PARD3: variants seen among roughly 807,000 people sequenced by gnomAD.
PARD3 encodes the protein par-3 family cell polarity regulator, also known as partitioning defective 3 homolog.
In PARD3, 75 loss-of-function variants were observed where a neutral mutation model predicts 155.4. The observed-to-expected ratio is 0.48, with a 90% CI of 0.40 to 0.58. The LOEUF (loss-of-function observed/expected upper bound fraction) is 0.58, where lower values mean the gene tolerates loss of function less well. Ranked by LOEUF, PARD3 falls within the 20% of genes least tolerant of loss-of-function variation. The probability of loss-of-function intolerance (pLI) is 0.00; values close to 1 mark genes in which losing one functional copy is unlikely to be tolerated. For missense variants in PARD3, 1,642 were observed against 1,721.7 expected, an observed-to-expected ratio of 0.95 and a Z score of 0.82; for synonymous variants, 576 against 610.5, an observed-to-expected ratio of 0.94 and a Z score of 0.83.
At chr10:34,336,426 C>T (rs1180985773) in intron 17 of PARD3, 183 bp from the exon 18 acceptor site, 1 of 542,082 alleles carries the variant, frequency 1.8e-6, no homozygotes, top group East Asian at 3.1e-5. Flanking sequence ...TGTCTCCATG[C>T]AATATGCCAG....
intron 3 of PARD3, among the ~76,000 whole-genome samples, chr10:34,479,566 C>A (rs1176877443): frequency 6.6e-6 from 1 of 152,166 alleles, no homozygotes; most frequent in Non-Finnish European, 1.5e-5. Context: ...ACCTTCCTAA[C>A]ATTATTTCCG....
rs76416445 is a variant in PARD3 at position 34,118,271 on chromosome 10, C to T, written c.3668+1342G>A. On this transcript the variant is annotated intron_variant, in intron 24 of 24. Transcript: ENST00000374788. ...ACTTATCCCCATGGAGACTCATTCA[C>T]ATCCATGTCCCCTTGGCTGACCTGT... Among the ~76,000 whole-genome samples the T allele has an allele frequency of 1.2e-3, 189 of 152,344 alleles. 2 individuals are homozygous for T. The highest frequency in any genetic ancestry group is 4.5e-3 in the African/African-American group (189 of 41,578).
chr10:34,366,496 C>A (rs1839979817), intron 12 of PARD3, among the ~76,000 whole-genome samples: 1 of 152,046 alleles, frequency 6.6e-6, no homozygotes, highest in Non-Finnish European at 1.5e-5. Context: ...TGGGCAGGGG[C>A]TGTTGCTTGG....
In PARD3 at chr10:34,337,353, T is replaced by C. The variant is rs1455821011; in HGVS notation, c.2482A>G (p.Lys828Glu). ...EGFGRQSMSE[K>E]RTKQFSDASQ... ...GCATCTGAAAATTGCTTTGTGCGTT[T>C]TTCTGACATACTCTGACGTCCAAAT... The change falls in exon 17 of 25, where the codon AAA (lysine) becomes GAA (glutamate). Residue 828 changes from lysine to glutamate, a missense_variant. Physicochemically the swap from Lys to Glu is moderately conservative, Grantham distance 56 (BLOSUM62 1). Around this residue, in one of 3 missense-constraint regions of PARD3, gnomAD observed 1,529 missense variants for 1,587.3 expected, o/e 0.96. Coordinates refer to ENST00000374788, the MANE Select transcript of PARD3 (RefSeq NM_001184785.2). The C allele has an allele frequency of 1.2e-6, 2 of 1,604,126 alleles. No homozygotes were observed. The highest frequency in any genetic ancestry group is 1.7e-6 in the Non-Finnish European group (2 of 1,175,176).
intron 21 of PARD3, among the ~76,000 whole-genome samples, chr10:34,279,215 C>T (rs1358459404): frequency 1.4e-5 from 2 of 146,658 alleles, no homozygotes; most frequent in Non-Finnish European, 3.0e-5. Flanking sequence ...GGCACAACCA[C>T]AGCAGCTCAC....
chr10:34,403,576 C>A (rs1276057720), intron 5 of PARD3, among the ~76,000 whole-genome samples: 1 of 152,126 alleles, frequency 6.6e-6, no homozygotes, highest in Non-Finnish European at 1.5e-5. Flanking sequence ...CTAAGGGCAC[C>A]AAACTTTTCT....
At chr10:34,182,372 CA>C (rs928751864) in intron 22 of PARD3, among the ~76,000 whole-genome samples, 2 of 152,024 alleles carry the variant, frequency 1.3e-5, no homozygotes, top group African/African-American at 4.8e-5. Context: ...AATGATTTAA[CA>C]AAAAAAGATC....
At chr10:34,539,407 G>A (rs916841265) in intron 2 of PARD3, among the ~76,000 whole-genome samples, 2 of 152,156 alleles carry the variant, frequency 1.3e-5, no homozygotes, top group Non-Finnish European at 2.9e-5. Flanking sequence ...AGTGGCTCAC[G>A]CCTGTATTTC....
intron 1 of PARD3, among the ~76,000 whole-genome samples, chr10:34,770,324 A>G (rs577305270): frequency 8.0e-4 from 122 of 152,314 alleles, no homozygotes; most frequent in African/African-American, 2.9e-3. Flanking sequence ...GCTGATTAAA[A>G]CTATCACTTT....
intron 19 of PARD3, among the ~76,000 whole-genome samples, chr10:34,330,038 G>C (rs73256763): frequency 2.0e-5 from 3 of 151,720 alleles, no homozygotes; most frequent in Non-Finnish European, 2.9e-5. Flanking sequence ...ATGTTGAATT[G>C]CAAGTAATTT....
In PARD3 at chr10:34,389,706, C is replaced by A. The variant is rs146838712; in HGVS notation, c.891-5452G>T. 3.0e-3 allele frequency among the ~76,000 whole-genome samples: 457 copies of A among 152,212 alleles called. 2 individuals carry two copies. Among genetic ancestry groups the A allele is most frequent in the African/African-American group, 0.01 (430 of 41,466 alleles). ...TCTCATCAACAAGAACCGCTCAGCT[C>A]CCTGAGTACAGCCCATGGGGGGCCA... is the stretch of plus-strand genomic sequence containing the variant. On this transcript the variant is annotated intron_variant, in intron 7 of 24. Transcript: ENST00000374788.
intron 1 of PARD3, among the ~76,000 whole-genome samples, chr10:34,713,841 TCTC>T (rs1413628747): frequency 6.6e-6 from 1 of 151,956 alleles, no homozygotes; most frequent in East Asian, 1.9e-4. Flanking sequence ...CAGGCAGAGA[TCTC>T]CTGCCTCTCC....
intron 4 of PARD3, among the ~76,000 whole-genome samples, chr10:34,451,657 A>T (rs760528080): frequency 1.1e-4 from 16 of 152,170 alleles, no homozygotes; most frequent in Non-Finnish European, 2.2e-4. Flanking sequence ...ACAAAAGGAA[A>T]TTGATAAACA....
At chr10:34,682,439 C>T (rs2093860491) in intron 2 of PARD3, among the ~76,000 whole-genome samples, 2 of 151,930 alleles carry the variant, frequency 1.3e-5, no homozygotes, top group Admixed American at 6.6e-5. Flanking sequence ...CTCTGGGTGC[C>T]AAGTATATAC....
chr10:34,183,475 G>C (rs887879112), intron 22 of PARD3, among the ~76,000 whole-genome samples: 29 of 152,228 alleles, frequency 1.9e-4, no homozygotes, highest in Non-Finnish European at 2.4e-4. Context: ...TGAAGAGCCA[G>C]GCTGGCAAGC....
intron 2 of PARD3, among the ~76,000 whole-genome samples, chr10:34,530,964 C>A (rs1484266054): frequency 2.0e-5 from 3 of 152,222 alleles, no homozygotes; most frequent in African/African-American, 7.2e-5. Context: ...TGGCAAGGTA[C>A]TTCCTGTCTT....
chr10:34,642,067 T>C (rs1274650593), intron 2 of PARD3, among the ~76,000 whole-genome samples: 3 of 151,956 alleles, frequency 2.0e-5, no homozygotes, highest in African/African-American at 7.3e-5. Flanking sequence ...GCGGGCAGTA[T>C]CCACTCACCT....
chr10:34,166,128 T>C (rs1949517462), intron 22 of PARD3, among the ~76,000 whole-genome samples: 1 of 152,210 alleles, frequency 6.6e-6, no homozygotes, highest in African/African-American at 2.4e-5. Flanking sequence ...TATGAAGCTT[T>C]GAAAAAGTTG....
At chr10:34,169,328 G>T (rs189499029) in intron 22 of PARD3, among the ~76,000 whole-genome samples, 73 of 152,314 alleles carry the variant, frequency 4.8e-4, no homozygotes, top group Non-Finnish European at 7.8e-4. Flanking sequence ...CCATGATGGT[G>T]ACAAAAGGAA....
Sources: gnomAD v4.1 joint callset for allele counts (sites outside exome capture counted in the v4.1 genomes callset) on GRCh38, gnomAD v4.1.1 for gene constraint, gnomAD v4.1.1 regional missense constraint, MANE v1.5 for transcripts, NCBI Gene and HGNC (gene_info 2026-07-23, HGNC 2026-07-21) for gene names.